SLC24A2: variants seen among roughly 807,000 people sequenced by gnomAD.
SLC24A2 encodes solute carrier family 24 member 2.
SLC24A2 carries 36 observed loss-of-function variants against 62.0 expected under a neutral mutation model. The observed-to-expected ratio is 0.58, with a 90% confidence interval of 0.44 to 0.77. The LOEUF (loss-of-function observed/expected upper bound fraction) is 0.77. Ranked by LOEUF, SLC24A2 falls within the 30% of genes least tolerant of loss-of-function variation. The pLI, the probability that SLC24A2 is intolerant of heterozygous loss-of-function variation, is 0.00. For missense variants in SLC24A2, 846 were observed against 817.9 expected (o/e 1.03, Z -0.42); for synonymous variants, 358 against 294.0 (o/e 1.22, Z -2.23).
chr9:19,718,455 GCTATTTT>G, intron 2 of SLC24A2, among the ~76,000 whole-genome samples: 1 of 91,818 alleles, frequency 1.1e-5, no homozygotes, highest in Admixed American at 1.3e-4. Context: ...ACCATGCCTG[GCTATTTT>G]TTTTTTTTTT....
At chr9:19,532,563 A>G (rs1338581349) in intron 8 of SLC24A2, among the ~76,000 whole-genome samples, 1 of 152,240 alleles carries the variant, frequency 6.6e-6, no homozygotes, top group Non-Finnish European at 1.5e-5. Context: ...GAGCCTGCAG[A>G]TATGAAGAGC....
chr9:20,094,306 C>T, the SLC24A2 span, among the ~76,000 whole-genome samples: 2 of 152,086 alleles, frequency 1.3e-5, no homozygotes, highest in Non-Finnish European at 2.9e-5. Flanking sequence ...CCCTTTTTTA[C>T]TTGAAAGAAC....
the SLC24A2 span, among the ~76,000 whole-genome samples, chr9:20,159,189 T>A: frequency 6.6e-6 from 1 of 151,800 alleles, no homozygotes; most frequent in South Asian, 2.1e-4. Flanking sequence ...TGCAGTAATA[T>A]GTGGAATATC....
At position 19,528,027 on chromosome 9, in the gene SLC24A2, C is replaced by A. The variant is rs371395480; in HGVS notation, c.1569+22G>T. 3 of 1,410,618 alleles carry A rather than the reference C, an allele frequency of 2.1e-6. No homozygotes were observed. The South Asian group carries it at 3.7e-5, about 17-fold the overall frequency. 87.4% of individuals were successfully genotyped at this position (1,410,618 alleles called of 1,614,324 possible). On this transcript the variant is annotated intron_variant, in intron 9 of 10. Coordinates refer to ENST00000341998, the MANE Select transcript of SLC24A2 (RefSeq NM_020344.4). ...GGACTGGAGAAAAACAAGGCAGAGG[C>A]ATGTCACTATCAAAATCTTACCTGG...
At chr9:20,029,133 G>A in the SLC24A2 span, among the ~76,000 whole-genome samples, 1 of 152,076 alleles carries the variant, frequency 6.6e-6, no homozygotes, top group Admixed American at 6.6e-5. Context: ...TGTGACCACA[G>A]CTACATCTTC....
chr9:19,777,554 G>A (rs1822880695), intron 2 of SLC24A2, among the ~76,000 whole-genome samples: 1 of 152,048 alleles, frequency 6.6e-6, no homozygotes, highest in Non-Finnish European at 1.5e-5. Context: ...ACAGTAAATA[G>A]CATTTTAGAA....
the SLC24A2 span, among the ~76,000 whole-genome samples, chr9:19,947,834 AAGAAAGAAAGAAAG>A: frequency 6.6e-6 from 1 of 151,086 alleles, no homozygotes; most frequent in Non-Finnish European, 1.5e-5. Context: ...GAAAGAAAGA[AAGAAAGAAAGAAAG>A]AAATTAGTTC....
the SLC24A2 span, among the ~76,000 whole-genome samples, chr9:19,842,908 T>G: frequency 6.6e-6 from 1 of 152,216 alleles, no homozygotes; most frequent in Non-Finnish European, 1.5e-5. Context: ...TTTTATACTT[T>G]ATAATGTTTT....
the SLC24A2 span, among the ~76,000 whole-genome samples, chr9:20,026,398 A>G: frequency 6.6e-6 from 1 of 152,218 alleles, no homozygotes; most frequent in Non-Finnish European, 1.5e-5. Flanking sequence ...CATAGTAAGC[A>G]CTCTATAAAT....
chr9:20,151,352 G>A, the SLC24A2 span, among the ~76,000 whole-genome samples: 2 of 151,818 alleles, frequency 1.3e-5, no homozygotes, highest in South Asian at 2.1e-4. Flanking sequence ...CTATAATGCC[G>A]ACTTCCATAA....
At chr9:19,749,117 C>T (rs1178445336) in intron 2 of SLC24A2, among the ~76,000 whole-genome samples, 1 of 149,540 alleles carries the variant, frequency 6.7e-6, no homozygotes, top group Admixed American at 6.7e-5. Flanking sequence ...CAAGTTACCT[C>T]TCTTTTTTGC....
chr9:19,864,786 G>A, the SLC24A2 span, among the ~76,000 whole-genome samples: 1 of 152,072 alleles, frequency 6.6e-6, no homozygotes, highest in African/African-American at 2.4e-5. Flanking sequence ...ACATGACAAG[G>A]ATGCCCACTT....
chr9:20,194,952 T>C, the SLC24A2 span, among the ~76,000 whole-genome samples: 1 of 152,126 alleles, frequency 6.6e-6, no homozygotes, highest in Admixed American at 6.5e-5. Context: ...ACTACATTCG[T>C]GTTTTTCTTT....
the SLC24A2 span, among the ~76,000 whole-genome samples, chr9:19,805,320 T>A: frequency 5.9e-5 from 9 of 152,180 alleles, no homozygotes; most frequent in East Asian, 3.8e-4. Flanking sequence ...AAACAGACAT[T>A]TCTTGTGCCA....
At chr9:20,047,046 T>C in the SLC24A2 span, among the ~76,000 whole-genome samples, 1 of 152,166 alleles carries the variant, frequency 6.6e-6, no homozygotes, top group Non-Finnish European at 1.5e-5. Context: ...TCTAGCTCTT[T>C]GCACTAGAGT....
the SLC24A2 span, among the ~76,000 whole-genome samples, chr9:20,070,986 T>G: frequency 6.6e-6 from 1 of 152,208 alleles, no homozygotes; most frequent in African/African-American, 2.4e-5. Flanking sequence ...ACCATCCTCC[T>G]TGATGCTGTT....
At chr9:20,180,051 A>G in the SLC24A2 span, among the ~76,000 whole-genome samples, 1 of 152,168 alleles carries the variant, frequency 6.6e-6, no homozygotes, top group Non-Finnish European at 1.5e-5. Context: ...GATTTTGGCC[A>G]TTGCCTGGCT....
At chr9:19,646,330 C>A (rs1309489060) in intron 2 of SLC24A2, among the ~76,000 whole-genome samples, 1 of 152,172 alleles carries the variant, frequency 6.6e-6, no homozygotes, top group African/African-American at 2.4e-5. Flanking sequence ...CCCAACAGAT[C>A]ATTTCCGTTC....
At chr9:19,946,513 G>A in the SLC24A2 span, among the ~76,000 whole-genome samples, 1 of 152,158 alleles carries the variant, frequency 6.6e-6, no homozygotes, top group East Asian at 1.9e-4. Context: ...AAAGCAAACC[G>A]CTGGCTCCAC....
Sources: allele counts gnomAD v4.1 joint callset (sites outside exome capture counted in the v4.1 genomes callset), GRCh38; gene constraint gnomAD v4.1.1; transcripts MANE v1.5; gene names NCBI Gene and HGNC (gene_info 2026-07-23, HGNC 2026-07-21).